The following PIBF1 variants were observed in gnomAD, a reference collection of about 807,000 sequenced individuals.
PIBF1 encodes progesterone immunomodulatory binding factor 1, also known as progesterone-induced-blocking factor 1.
A neutral mutation model predicts 112.5 loss-of-function variants in PIBF1; 90 were observed. That is an observed-to-expected ratio of 0.80 (90% CI 0.67 to 0.95). PIBF1 has a LOEUF of 0.95. Ranked by LOEUF, PIBF1 falls within the 40% of genes least tolerant of loss-of-function variation. The pLI, the probability that PIBF1 is intolerant of heterozygous loss-of-function variation, is 0.00. For missense variants in PIBF1, 915 were observed against 852.3 expected, an observed-to-expected ratio of 1.07 and a Z score of -0.92; for synonymous variants, 301 against 288.6, an observed-to-expected ratio of 1.04 and a Z score of -0.44.
At chr13:72,911,800 C>T (rs1165299893) in intron 12 of PIBF1, among the ~76,000 whole-genome samples, 2 of 151,956 alleles carry the variant, frequency 1.3e-5, no homozygotes, top group East Asian at 3.9e-4. Flanking sequence ...GAAAATGATA[C>T]CCAAATGTGG....
intron 14 of PIBF1, among the ~76,000 whole-genome samples, chr13:72,933,616 C>G (rs908069681): frequency 1.3e-5 from 2 of 152,168 alleles, no homozygotes; most frequent in Non-Finnish European, 2.9e-5. Context: ...GAGCTGAGAT[C>G]GTGCCATCGT....
At chr13:72,984,223 A>C (rs1382009685) in intron 16 of PIBF1, among the ~76,000 whole-genome samples, 1 of 152,198 alleles carries the variant, frequency 6.6e-6, no homozygotes, top group Non-Finnish European at 1.5e-5. Context: ...AACAGTGAGA[A>C]TATATCTTGA....
intron 9 of PIBF1, among the ~76,000 whole-genome samples, chr13:72,843,368 C>T (rs1210324952): frequency 6.6e-6 from 1 of 152,190 alleles, no homozygotes; most frequent in Non-Finnish European, 1.5e-5. Flanking sequence ...TTTTCTACCT[C>T]AGTAGTGTCA....
chr13:72,827,176 G>A, intron 7 of PIBF1, 58 bp downstream of exon 7: 1 of 692,916 alleles, frequency 1.4e-6, no homozygotes, highest in Non-Finnish European at 2.2e-6. Flanking sequence ...GAAAAAAATA[G>A]CCCAGAGTAG....
intron 2 of PIBF1, among the ~76,000 whole-genome samples, chr13:72,789,341 C>T (rs1424886005): frequency 1.3e-5 from 2 of 152,044 alleles, no homozygotes; most frequent in Non-Finnish European, 2.9e-5. Context: ...TGTACCACCA[C>T]ACCCAGCTAA....
At chr13:72,898,335 G>T (rs894729636) in intron 11 of PIBF1, among the ~76,000 whole-genome samples, 1 of 151,820 alleles carries the variant, frequency 6.6e-6, no homozygotes, top group East Asian at 1.9e-4. Flanking sequence ...AAAGTTGATG[G>T]CCCTAAACAC....
At chr13:72,967,957 G>A (rs547201727) in intron 15 of PIBF1, among the ~76,000 whole-genome samples, 57 of 152,110 alleles carry the variant, frequency 3.7e-4, no homozygotes, top group African/African-American at 1.3e-3. Context: ...AGGCCGAGGC[G>A]GGCGGATCAC....
At chr13:72,953,741 A>G (rs1329662361) in intron 14 of PIBF1, among the ~76,000 whole-genome samples, 1 of 152,120 alleles carries the variant, frequency 6.6e-6, no homozygotes, top group Non-Finnish European at 1.5e-5. Flanking sequence ...GTGCTGTGTT[A>G]TTCTGCCTTC....
At chr13:72,992,630 C>CA (rs915112529) in intron 16 of PIBF1, among the ~76,000 whole-genome samples, 1 of 151,964 alleles carries the variant, frequency 6.6e-6, no homozygotes, top group African/African-American at 2.4e-5. Flanking sequence ...CCCATCTCCA[C>CA]AAAAATGAAA....
At chr13:72,855,423 T>C (rs1594059788) in intron 10 of PIBF1, among the ~76,000 whole-genome samples, 1 of 152,048 alleles carries the variant, frequency 6.6e-6, no homozygotes, top group African/African-American at 2.4e-5. Flanking sequence ...CTGAGGCAGG[T>C]GGATAACTTG....
chr13:72,795,036 A>G (rs2035121721), intron 3 of PIBF1, among the ~76,000 whole-genome samples: 1 of 152,222 alleles, frequency 6.6e-6, no homozygotes. Context: ...AATTACTTTA[A>G]TAAGTAGAGT....
chr13:72,800,358 A>G (rs994183229), intron 5 of PIBF1, among the ~76,000 whole-genome samples: 3 of 152,252 alleles, frequency 2.0e-5, no homozygotes, highest in African/African-American at 7.2e-5. Context: ...GTAAACAATA[A>G]ATAGTACTAC....
At chr13:72,997,126 A>T (rs969769288) in intron 16 of PIBF1, among the ~76,000 whole-genome samples, 2 of 152,138 alleles carry the variant, frequency 1.3e-5, no homozygotes, top group African/African-American at 2.4e-5. Context: ...ATAGTGCTAG[A>T]TTGTTTTGGA....
intron 12 of PIBF1, among the ~76,000 whole-genome samples, chr13:72,915,377 A>G (rs554958940): frequency 1.3e-5 from 2 of 152,286 alleles, no homozygotes; most frequent in East Asian, 1.9e-4. Context: ...CTTTAATAGC[A>G]TTGTTCAGAT....
At chr13:73,007,380 T>C (rs2044067612) in intron 17 of PIBF1, among the ~76,000 whole-genome samples, 1 of 151,110 alleles carries the variant, frequency 6.6e-6, no homozygotes. Context: ...GACTGCAGCC[T>C]CCACCTCCTG....
At chr13:72,977,328 C>T (rs554438109) in intron 16 of PIBF1, among the ~76,000 whole-genome samples, 40 of 152,280 alleles carry the variant, frequency 2.6e-4, no homozygotes, top group African/African-American at 8.4e-4. Flanking sequence ...CCTCAGCCCC[C>T]CAAGTAGCTG....
At chr13:72,911,243 A>G (rs923015193) in intron 12 of PIBF1, among the ~76,000 whole-genome samples, 32 of 152,314 alleles carry the variant, frequency 2.1e-4, no homozygotes, top group African/African-American at 7.5e-4. Context: ...TTCAAGATTT[A>G]CTATAAAGCT....
At chr13:72,972,921 GT>G (rs1176279995) in intron 15 of PIBF1, among the ~76,000 whole-genome samples, 1 of 152,132 alleles carries the variant, frequency 6.6e-6, no homozygotes. Flanking sequence ...TTTTAAGGAT[GT>G]TTTAATTTGT....
intron 13 of PIBF1, among the ~76,000 whole-genome samples, chr13:72,924,612 TG>T (rs1217480669): frequency 3.3e-5 from 5 of 152,090 alleles, no homozygotes; most frequent in South Asian, 4.2e-4. Context: ...CCCAGCTATG[TG>T]GGAGGATGAG....
Sources: gnomAD v4.1 joint callset for allele counts (sites outside exome capture counted in the v4.1 genomes callset) on GRCh38, gnomAD v4.1.1 for gene constraint, MANE v1.5 for transcripts, NCBI Gene and HGNC (gene_info 2026-07-23, HGNC 2026-07-21) for gene names.